The following OPA1 variants were observed in gnomAD, a reference collection of about 807,000 sequenced individuals.
OPA1 encodes the protein OPA1 mitochondrial dynamin like GTPase, also known as dynamin-like GTPase OPA1, mitochondrial.
In OPA1, 59 loss-of-function variants were observed where a neutral mutation model predicts 152.9. The observed-to-expected ratio is 0.39, with a 90% CI of 0.31 to 0.48. OPA1 has a LOEUF of 0.48. OPA1 is among the 20% of genes least tolerant of loss of function. The pLI, the probability that OPA1 is intolerant of heterozygous loss-of-function variation, is 0.96. For missense variants in OPA1, 1,008 were observed against 1,216.8 expected (o/e 0.83, Z 2.55); for synonymous variants, 400 against 389.9 (o/e 1.03, Z -0.31).
At position 193,647,795 on chromosome 3, in the gene OPA1, A is replaced by G. The variant is rs1734923527; in HGVS notation, c.1871-275A>G. 3.9e-5 allele frequency among the ~76,000 whole-genome samples: 6 copies of G among 152,172 alleles called. No individual in the cohort carries two copies. The South Asian group carries it at 1.2e-3, about 32-fold the overall frequency. On this transcript the variant is annotated intron_variant, in intron 19 of 30. Coordinates refer to ENST00000361510, the MANE Select transcript of OPA1 (RefSeq NM_130837.3). Reference sequence around the variant, plus strand: ...CCAGGATTTGGCTGTTGGTGGTACAACTGCAGAGTCCATTCTCTCAGCAGC... The same window carrying G: ...CCAGGATTTGGCTGTTGGTGGTACAGCTGCAGAGTCCATTCTCTCAGCAGC...
At chr3:193,660,123 A>C (rs1353830262) in intron 25 of OPA1, among the ~76,000 whole-genome samples, 1 of 152,112 alleles carries the variant, frequency 6.6e-6, no homozygotes, top group Non-Finnish European at 1.5e-5. Context: ...AAAAAATAGT[A>C]AGGTTTTCAG....
rs530896300 is a variant in OPA1, at chr3:193,614,995, A to T, written c.305A>T (p.Tyr102Phe). ...GCTACGAGACTCTTAAAACTTCGCTATCTCATACTAGGATCGGCTGTTGGG... is the reference window on the plus strand; with the variant it reads ...GCTACGAGACTCTTAAAACTTCGCTTTCTCATACTAGGATCGGCTGTTGGG... ...RLATRLLKLRYLILGSAVGGG... is the reference protein window; with the variant it reads ...RLATRLLKLRFLILGSAVGGG... Residue 102 changes from tyrosine to phenylalanine, a missense_variant, in exon 2 of 31, where the codon TAT becomes TTT. Transcript: ENST00000361510. 1 of 1,614,224 alleles carries T rather than the reference A, an allele frequency of 6.2e-7. No homozygotes were observed. The highest frequency in any genetic ancestry group is 1.3e-5 in the African/African-American group (1 of 75,064).
At chr3:193,630,802 G>T (rs931757207) in intron 7 of OPA1, among the ~76,000 whole-genome samples, 1 of 151,924 alleles carries the variant, frequency 6.6e-6, no homozygotes, top group Admixed American at 6.6e-5. Context: ...ATTATATTTT[G>T]TATTTATAAT....
chr3:193,630,175 C>G (rs1166975586), intron 7 of OPA1, among the ~76,000 whole-genome samples: 1 of 152,150 alleles, frequency 6.6e-6, no homozygotes, highest in African/African-American at 2.4e-5. Context: ...TGTCTCCTCA[C>G]AGTTTAGGCG....
At chr3:193,626,770 A>G (rs1379045234) in intron 7 of OPA1, among the ~76,000 whole-genome samples, 3 of 152,190 alleles carry the variant, frequency 2.0e-5, no homozygotes, top group African/African-American at 7.2e-5. Context: ...GCACAAATAA[A>G]TTTTCACCTT....
intron 10 of OPA1, 129 bp downstream of exon 10, chr3:193,637,410 A>G: frequency 1.9e-6 from 1 of 517,880 alleles, no homozygotes. Flanking sequence ...TATATTTTTT[A>G]TGTAATCTTA....
rs558532319 is a variant in OPA1, at chr3:193,614,872, A to G, written c.182A>G (p.Gln61Arg). ...CCCCAATTAAGGACATCCTTTCAGC[A>G]GTTCTCTTCTCTGACAAACCTTCCT... ...QRPQLRTSFQQFSSLTNLPLR... is the reference protein window; with the variant it reads ...QRPQLRTSFQRFSSLTNLPLR... The change falls in exon 2 of 31, where the codon CAG becomes CGG. Residue 61 changes from glutamine to arginine, a missense_variant. Transcript: ENST00000361510. 333 of 1,614,126 alleles carry G rather than the reference A, an allele frequency of 2.1e-4. 2 individuals carry two copies. In the South Asian group the frequency reaches 3.5e-3, roughly 17 times the overall value.
At chr3:193,677,244 C>G (rs899743781) in intron 29 of OPA1, among the ~76,000 whole-genome samples, 2 of 146,626 alleles carry the variant, frequency 1.4e-5, no homozygotes, top group Non-Finnish European at 3.0e-5. Flanking sequence ...TGAAAATACT[C>G]TTAATGTATT....
In OPA1 at chr3:193,642,735, C is replaced by T. The variant is rs2306721; in HGVS notation, c.1150-30C>T. On this transcript the variant is annotated intron_variant, in intron 11 of 30. Coordinates refer to ENST00000361510, the MANE Select transcript of OPA1 (RefSeq NM_130837.3). ...GAATTAATATTACTTATAAATACATCATTACCTCTCAGTTTTCTGTTACTA... is the reference window on the plus strand; with the variant it reads ...GAATTAATATTACTTATAAATACATTATTACCTCTCAGTTTTCTGTTACTA... 171 of 1,466,420 alleles carry T rather than the reference C, an allele frequency of 1.2e-4. No homozygotes were observed. In the East Asian group the frequency reaches 3.6e-3, roughly 31 times the overall value. The allele number at this position is 1,466,420 out of a possible 1,614,324, so 90.8% of individuals were successfully genotyped here.
At position 193,593,234 on chromosome 3, in the gene OPA1, T is replaced by G; in HGVS notation, c.-144T>G. 5.8e-6 allele frequency: 4 copies of G among 695,014 alleles called. No homozygotes were observed. Among genetic ancestry groups the G allele is most frequent in the Non-Finnish European group, 9.2e-6 (4 of 436,036 alleles). 43.1% of individuals were successfully genotyped at this position (695,014 alleles called of 1,614,324 possible). A position where few individuals can be genotyped will look rare whatever the true frequency, so the allele number is the denominator to read the frequency against. ...GGCTCTTGCGGAAGTCCATGCGCCA[T>G]TGGGAGGGCCTCGGCCGCGGCTCTG... On this transcript the variant is annotated 5_prime_UTR_variant, in exon 1 of 31. Coordinates refer to ENST00000361510, the MANE Select transcript of OPA1 (RefSeq NM_130837.3).
chr3:193,604,869 A>AAAAAAAAAAAAG (rs1553867624), intron 1 of OPA1, among the ~76,000 whole-genome samples: 10 of 145,912 alleles, frequency 6.9e-5, no homozygotes, highest in African/African-American at 2.3e-4. Context: ...TCAAAAAAAA[A>AAAAAAAAAAAAG]AAAAAAGAAA....
At chr3:193,633,606 G>A (rs896643949) in intron 8 of OPA1, among the ~76,000 whole-genome samples, 5 of 152,100 alleles carry the variant, frequency 3.3e-5, no homozygotes, top group African/African-American at 1.2e-4. Context: ...AAATATACAA[G>A]CCACCTGTGT....
intron 16 of OPA1, among the ~76,000 whole-genome samples, chr3:193,645,007 T>A (rs1734327890): frequency 1.3e-5 from 2 of 151,846 alleles, no homozygotes; most frequent in East Asian, 1.9e-4. Flanking sequence ...TTTTTTTTTT[T>A]AGTCACATTT....
At chr3:193,623,596 A>C (rs953091610) in intron 6 of OPA1, among the ~76,000 whole-genome samples, 1 of 152,188 alleles carries the variant, frequency 6.6e-6, no homozygotes, top group African/African-American at 2.4e-5. Flanking sequence ...TTAAGAGACT[A>C]TATCATCTGT....
intron 29 of OPA1, among the ~76,000 whole-genome samples, chr3:193,682,320 G>T (rs529609588): frequency 6.6e-6 from 1 of 152,302 alleles, no homozygotes; most frequent in East Asian, 1.9e-4. Flanking sequence ...GGTTCATAAG[G>T]TTTAAGAGGA....
intron 29 of OPA1, among the ~76,000 whole-genome samples, chr3:193,676,690 C>G (rs1719036936): frequency 6.6e-6 from 1 of 152,082 alleles, no homozygotes; most frequent in African/African-American, 2.4e-5. Context: ...CTTTAAAAGT[C>G]ACCGTTGTGG....
intron 7 of OPA1, among the ~76,000 whole-genome samples, chr3:193,630,861 A>G (rs1731969447): frequency 6.6e-6 from 1 of 152,112 alleles, no homozygotes; most frequent in Admixed American, 6.5e-5. Context: ...TTGTTTTTTA[A>G]TATTTTATTT....
At chr3:193,646,961 G>T in intron 18 of OPA1, 104 bp from the exon 19 acceptor site, 1 of 712,838 alleles carries the variant, frequency 1.4e-6, no homozygotes, top group South Asian at 1.6e-5. Context: ...TGGTATGAAA[G>T]GTAAGAGTGG....
chr3:193,658,037 G>A (rs1476746209), intron 23 of OPA1, among the ~76,000 whole-genome samples: 4 of 152,080 alleles, frequency 2.6e-5, no homozygotes, highest in African/African-American at 9.7e-5. Context: ...CCTGAGGTCC[G>A]GAGTTTGAGA....
Sources: gnomAD v4.1 joint callset for allele counts (sites outside exome capture counted in the v4.1 genomes callset) on GRCh38, gnomAD v4.1.1 for gene constraint, MANE v1.5 for transcripts, NCBI Gene and HGNC (gene_info 2026-07-23, HGNC 2026-07-21) for gene names.